MAST4: variants seen among roughly 807,000 people sequenced by gnomAD.
MAST4 encodes the protein microtubule-associated serine/threonine-protein kinase 4.
Under a neutral mutation model 162.7 loss-of-function variants are expected in MAST4, and 89 were observed. The ratio of observed to expected loss-of-function variants is 0.55; its 90% CI spans 0.46 to 0.65. The LOEUF is 0.65. Ranked by LOEUF, MAST4 falls within the 30% of genes least tolerant of loss-of-function variation. The pLI, the probability that MAST4 is intolerant of heterozygous loss-of-function variation, is 0.00. For synonymous variants in MAST4, 1,479 were observed against 1,361.1 expected (o/e 1.09, Z -1.91); for missense variants, 3,153 against 3,374.0 (o/e 0.93, Z 1.62).
chr5:66,762,435 A>T (rs925404473), intron 2 of MAST4, among the ~76,000 whole-genome samples: 2 of 152,160 alleles, frequency 1.3e-5, no homozygotes, highest in African/African-American at 4.8e-5. Context: ...GTGCATAACT[A>T]ATTGAATTTG....
At chr5:67,153,779 T>C (rs1279377845) in intron 26 of MAST4, among the ~76,000 whole-genome samples, 199 bp downstream of exon 26, 1 of 152,236 alleles carries the variant, frequency 6.6e-6, no homozygotes, top group Non-Finnish European at 1.5e-5. Context: ...TGCATACTCA[T>C]TCCCTAATTT....
rs1386965157 is a variant in MAST4 at position 66,635,975 on chromosome 5, T to TTTTC, written c.363+38957_363+38958insTTTC. 3.6e-3 allele frequency among the ~76,000 whole-genome samples: 408 copies of TTTTC among 113,562 alleles called. 24 individuals carry two copies. The highest frequency in any genetic ancestry group is 0.015 in the African/African-American group (395 of 25,788). The allele number at this position is 113,562 out of a possible 152,430, so 74.5% of individuals were successfully genotyped here. A position where few individuals can be genotyped will look rare whatever the true frequency, so the allele number is the denominator to read the frequency against. ...TTTTTTTTTTTTTTTTTTTTTTTTT[T>TTTTC]CGAGACAGAGTCTTGCTCTGTCACC... On this transcript the variant is annotated intron_variant, in intron 1 of 28. Transcript: ENST00000403625.
intron 16 of MAST4, among the ~76,000 whole-genome samples, chr5:67,132,943 G>T (rs189581640): frequency 1.3e-5 from 2 of 151,774 alleles, no homozygotes; most frequent in Non-Finnish European, 2.9e-5. Flanking sequence ...CTGTAATACC[G>T]TATATACTAT....
chr5:67,015,522 G>A (rs541368591), intron 4 of MAST4, among the ~76,000 whole-genome samples: 1 of 152,208 alleles, frequency 6.6e-6, no homozygotes, highest in Non-Finnish European at 1.5e-5. Flanking sequence ...TTAGACAAAA[G>A]TAATTGTTTG....
intron 4 of MAST4, among the ~76,000 whole-genome samples, chr5:66,950,485 T>A (rs1744549403): frequency 6.6e-6 from 1 of 152,166 alleles, no homozygotes; most frequent in South Asian, 2.1e-4. Context: ...ATTTGACTAC[T>A]ATAGACAAGC....
At chr5:66,777,152 A>G (rs1341346122) in intron 2 of MAST4, among the ~76,000 whole-genome samples, 1 of 152,178 alleles carries the variant, frequency 6.6e-6, no homozygotes, top group Non-Finnish European at 1.5e-5. Context: ...GGAGGATGCA[A>G]ACTGATGTCT....
chr5:66,917,326 G>A (rs1399537690), intron 4 of MAST4: 1 of 313,492 alleles, frequency 3.2e-6, no homozygotes, highest in African/African-American at 2.1e-5. Context: ...AAACTATTAT[G>A]TGAAAGTATT....
intron 4 of MAST4, among the ~76,000 whole-genome samples, chr5:66,927,770 A>G (rs1242783557): frequency 1.3e-5 from 2 of 152,200 alleles, no homozygotes; most frequent in Non-Finnish European, 2.9e-5. Flanking sequence ...AGTATCACAT[A>G]TCAGGTGGCT....
chr5:66,689,558 C>A (rs1301374768), intron 1 of MAST4, among the ~76,000 whole-genome samples: 1 of 152,156 alleles, frequency 6.6e-6, no homozygotes, highest in Non-Finnish European at 1.5e-5. Flanking sequence ...TGTTAAACTT[C>A]AGCCCAGTGC....
chr5:66,773,488 T>C (rs888596903), intron 2 of MAST4, among the ~76,000 whole-genome samples: 1 of 152,254 alleles, frequency 6.6e-6, no homozygotes, highest in Non-Finnish European at 1.5e-5. Flanking sequence ...AATGATATTA[T>C]TGAAATGTCT....
intron 1 of MAST4, among the ~76,000 whole-genome samples, chr5:66,657,973 A>G (rs554487350): frequency 1.3e-5 from 2 of 152,362 alleles, no homozygotes; most frequent in East Asian, 1.9e-4. Context: ...GTTAAACTAT[A>G]CGAAGAATAA....
intron 1 of MAST4, among the ~76,000 whole-genome samples, chr5:66,606,122 TTCTC>T (rs981410965): frequency 2.0e-5 from 3 of 152,212 alleles, no homozygotes; most frequent in Admixed American, 2.0e-4. Context: ...TTTTTTCTTC[TTCTC>T]TATCTATAGT....
chr5:66,895,788 GC>G (rs1762646432), intron 3 of MAST4, among the ~76,000 whole-genome samples: 2 of 151,972 alleles, frequency 1.3e-5, no homozygotes. Context: ...CTGTTCTTCA[GC>G]CCCACATCAG....
At chr5:66,942,799 G>T (rs577431539) in intron 4 of MAST4, among the ~76,000 whole-genome samples, 11 of 152,166 alleles carry the variant, frequency 7.2e-5, no homozygotes, top group Admixed American at 5.2e-4. Context: ...GCCTTTGGAG[G>T]TTGACTTTCT....
intron 1 of MAST4, among the ~76,000 whole-genome samples, chr5:66,681,644 A>C (rs1748333751): frequency 6.6e-6 from 1 of 152,114 alleles, no homozygotes; most frequent in Non-Finnish European, 1.5e-5. Context: ...CTTTGGCCCT[A>C]ATTCTTTATA....
In MAST4 at chr5:67,110,208, C is replaced by A. The variant is rs770041624; in HGVS notation, c.1458+9C>A. 6.3e-7 allele frequency: 1 copy of A among 1,586,634 alleles called. No homozygotes were observed. On this transcript the variant is annotated intron_variant, in intron 11 of 28. Transcript: ENST00000403625. ...GGTTATTAGAGTGCCTGGTAAGTTGCCCCTTGATGTGACTACATTATTTAT... is the reference window on the plus strand; with the variant it reads ...GGTTATTAGAGTGCCTGGTAAGTTGACCCTTGATGTGACTACATTATTTAT...
In MAST4 at chr5:66,907,604, G is replaced by A. The variant is rs1045749980; in HGVS notation, c.674+7622G>A. Among the ~76,000 whole-genome samples the A allele has an allele frequency of 1.9e-3, 289 of 149,688 alleles. 3 individuals are homozygous for A. Among genetic ancestry groups the A allele is most frequent in the African/African-American group, 4.9e-3 (196 of 40,184 alleles). On this transcript the variant is annotated intron_variant, in intron 4 of 28. Coordinates refer to ENST00000403625, the MANE Select transcript of MAST4 (RefSeq NM_001164664.2). ...GGTTGATGCGTGTGTGTGTGTGTGT[G>A]TGTGTGTGTGTGTGTGTGTGTGTGT...
chr5:67,155,425 A>C lies in MAST4; in HGVS notation c.3648+1845A>C, dbSNP rs1383445444. Among the ~76,000 whole-genome samples the C allele has an allele frequency of 3.9e-5, 6 of 152,176 alleles. No individual in the cohort carries two copies. In the East Asian group the frequency reaches 1.2e-3, roughly 29 times the overall value. On this transcript the variant is annotated intron_variant, in intron 26 of 28. Transcript: ENST00000403625. ...TTTCTAAAAACAACTTTTTAAGTAG[A>C]CCGAGGTCATTCTTCACCCACTAGC...
chr5:66,926,269 T>C (rs1764882865), intron 4 of MAST4, among the ~76,000 whole-genome samples: 1 of 152,198 alleles, frequency 6.6e-6, no homozygotes, highest in South Asian at 2.1e-4. Flanking sequence ...ATTTTCTGGC[T>C]GGGCGCGGTG....
Sources: gnomAD v4.1 joint callset for allele counts (sites outside exome capture counted in the v4.1 genomes callset) on GRCh38, gnomAD v4.1.1 for gene constraint, MANE v1.5 for transcripts, NCBI Gene and HGNC (gene_info 2026-07-23, HGNC 2026-07-21) for gene names.